The following UGGT2 variants were observed in gnomAD, a reference collection of about 807,000 sequenced individuals.
The protein encoded by UGGT2 is UDP-glucose glycoprotein glucosyltransferase 2.
Under a neutral mutation model 192.1 loss-of-function variants are expected in UGGT2, and 180 were observed. The observed-to-expected ratio is 0.94, with a 90% CI of 0.83 to 1.06. The LOEUF (loss-of-function observed/expected upper bound fraction) is 1.06, where lower values mean the gene tolerates loss of function less well. Ranked by LOEUF, UGGT2 falls within the 50% of genes least tolerant of loss-of-function variation. The pLI is 0.00. For missense variants in UGGT2, 1,849 were observed against 1,795.7 expected (o/e 1.03, Z -0.54); for synonymous variants, 580 against 591.0 (o/e 0.98, Z 0.27).
chr13:95,845,949 C>A (rs1045821140), intron 36 of UGGT2, among the ~76,000 whole-genome samples: 1 of 151,510 alleles, frequency 6.6e-6, no homozygotes, highest in Non-Finnish European at 1.5e-5. Flanking sequence ...GACTGGGCAG[C>A]CGGGCAGAGG....
intron 15 of UGGT2, among the ~76,000 whole-genome samples, chr13:95,944,508 T>A (rs1193288406): frequency 6.6e-6 from 1 of 152,036 alleles, no homozygotes; most frequent in African/African-American, 2.4e-5. Context: ...AGCCCAGGCC[T>A]TAAGAGTCTG....
chr13:95,934,304 T>A (rs1281351168), intron 17 of UGGT2, among the ~76,000 whole-genome samples: 1 of 152,226 alleles, frequency 6.6e-6, no homozygotes, highest in Non-Finnish European at 1.5e-5. Flanking sequence ...TCTTGGAGTA[T>A]GCTCTGTGTG....
At chr13:95,854,887 T>G (rs1307492141) in intron 34 of UGGT2, among the ~76,000 whole-genome samples, 1 of 151,970 alleles carries the variant, frequency 6.6e-6, no homozygotes, top group African/African-American at 2.4e-5. Context: ...GTTTGAATCA[T>G]AAAGAAAAAT....
intron 20 of UGGT2, among the ~76,000 whole-genome samples, chr13:95,904,708 C>G (rs553193836): frequency 2.0e-3 from 302 of 152,030 alleles, no homozygotes; most frequent in African/African-American, 4.8e-3. Context: ...TTGGACATTT[C>G]GGTTGGTTCC....
intron 38 of UGGT2, among the ~76,000 whole-genome samples, chr13:95,814,648 A>G (rs1026354687): frequency 1.3e-5 from 2 of 152,164 alleles, no homozygotes; most frequent in African/African-American, 4.8e-5. Flanking sequence ...ATAGTCTCCT[A>G]AAGTCTTAAC....
intron 10 of UGGT2, among the ~76,000 whole-genome samples, chr13:95,982,433 A>C (rs145866662): frequency 6.6e-6 from 1 of 152,300 alleles, no homozygotes; most frequent in African/African-American, 2.4e-5. Context: ...GTACAGTAAG[A>C]AGCAGATAAC....
At chr13:96,023,540 T>G (rs2052576518) in intron 3 of UGGT2, 89 bp downstream of exon 3, 12 of 1,360,110 alleles carry the variant, frequency 8.8e-6, no homozygotes, top group Non-Finnish European at 1.1e-5. Flanking sequence ...TTGTAGATCA[T>G]TTTGAACTAA....
chr13:95,886,845 C>T (rs2140211905), intron 26 of UGGT2, among the ~76,000 whole-genome samples: 1 of 152,164 alleles, frequency 6.6e-6, no homozygotes, highest in Admixed American at 6.5e-5. Flanking sequence ...GAGTTCAAAA[C>T]CAGCCTGGAG....
In UGGT2 at chr13:95,996,086, T is replaced by C; in HGVS notation, c.807A>G (p.Gln269=). The change falls in exon 7 of 39, where the codon CAA becomes CAG. Residue 269 remains glutamine (Q), a synonymous_variant. Transcript: ENST00000376747. ...ACTTTAGTTTCCCAAAGAGAAATCCTTGAACTTCATTTGTTTCAGTCTCAT... is the reference window on the plus strand; with the variant it reads ...ACTTTAGTTTCCCAAAGAGAAATCCCTGAACTTCATTTGTTTCAGTCTCAT... The part of the protein sequence containing the change: ...VEDETETNEV[Q]GFLFGKLKEI... 6.2e-7 allele frequency: 1 copy of C among 1,613,776 alleles called. No individual in the cohort carries two copies. Among genetic ancestry groups the C allele is most frequent in the Non-Finnish European group, 8.5e-7 (1 of 1,179,824 alleles).
intron 21 of UGGT2, among the ~76,000 whole-genome samples, chr13:95,902,179 T>A (rs2140288771): frequency 6.6e-6 from 1 of 152,262 alleles, no homozygotes; most frequent in African/African-American, 2.4e-5. Flanking sequence ...AAGTGGACCC[T>A]CAGCAATGAC....
At chr13:95,877,120 GATCT>G (rs1462102737) in intron 29 of UGGT2, 155 bp downstream of exon 29, 3 of 474,726 alleles carry the variant, frequency 6.3e-6, no homozygotes, top group Non-Finnish European at 1.1e-5. Context: ...CTGGCCTTGT[GATCT>G]GCCTGCCTCG....
intron 37 of UGGT2, 88 bp from the exon 38 acceptor site, chr13:95,833,141 A>C: frequency 6.9e-7 from 1 of 1,445,550 alleles, no homozygotes; most frequent in South Asian, 1.4e-5. Context: ...AACAAAATAC[A>C]TTTTATAAAA....
At chr13:95,971,084 T>C (rs1182271529) in intron 11 of UGGT2, among the ~76,000 whole-genome samples, 1 of 152,074 alleles carries the variant, frequency 6.6e-6, no homozygotes, top group Non-Finnish European at 1.5e-5. Context: ...CCCGCTACTC[T>C]CAGGATCAGA....
At chr13:95,940,384 T>C (rs2049630032) in intron 15 of UGGT2, among the ~76,000 whole-genome samples, 1 of 151,738 alleles carries the variant, frequency 6.6e-6, no homozygotes, top group Non-Finnish European at 1.5e-5. Flanking sequence ...AATGTATGTA[T>C]AATATATTCT....
chr13:95,806,045 A>AAAC lies in UGGT2; in HGVS notation c.4529-4234_4529-4233insGTT, dbSNP rs1452516890. Among the ~76,000 whole-genome samples the AAAC allele has an allele frequency of 2.8e-4, 42 of 151,488 alleles. 1 individual carries two copies. The highest frequency in any genetic ancestry group is 1.0e-3 in the African/African-American group (42 of 41,344). On this transcript the variant is annotated intron_variant, in intron 38 of 38. Transcript: ENST00000376747. The stretch of plus-strand genomic sequence containing the variant: ...GGGGGAAAGAGATTATTAAAAAAAA[A>AAAC]AAAAAAACACACAGTGGAAAAAAAA...
intron 1 of UGGT2, among the ~76,000 whole-genome samples, chr13:96,040,369 C>A (rs910372941): frequency 1.3e-5 from 2 of 152,172 alleles, no homozygotes; most frequent in African/African-American, 4.8e-5. Flanking sequence ...TCTAACTTCA[C>A]ATGGCCTTCT....
At chr13:95,925,531 T>C in intron 20 of UGGT2, 149 bp downstream of exon 20, 1 of 540,660 alleles carries the variant, frequency 1.8e-6, no homozygotes, top group Non-Finnish European at 3.1e-6. Flanking sequence ...CAAAGTTACC[T>C]GTTTTACATG....
Position 95,912,135 on chromosome 13 carries a change from G to C in UGGT2, c.2296-9075C>G, listed in dbSNP as rs2048519720. Among the ~76,000 whole-genome samples the C allele has an allele frequency of 2.0e-5, 3 of 152,150 alleles. No individual in the cohort carries two copies. The South Asian group carries it at 6.2e-4, about 32-fold the overall frequency. On this transcript the variant is annotated intron_variant, in intron 20 of 38. Transcript: ENST00000376747. ...ACAAACCCACAGCCAATATCATACT[G>C]AATGGGCAAAAACTGGAAGCATTCC...
At chr13:95,875,248 CTGTT>C (rs1044512822) in intron 29 of UGGT2, among the ~76,000 whole-genome samples, 3 of 152,102 alleles carry the variant, frequency 2.0e-5, no homozygotes, top group East Asian at 1.9e-4. Flanking sequence ...GGTAGAGTGT[CTGTT>C]CAAGTCTTTT....
Sources: allele counts gnomAD v4.1 joint callset (sites outside exome capture counted in the v4.1 genomes callset), GRCh38; gene constraint gnomAD v4.1.1; transcripts MANE v1.5; gene names NCBI Gene and HGNC (gene_info 2026-07-23, HGNC 2026-07-21).